Variants in TENM4 observed in about 807,000 individuals in gnomAD.
TENM4 encodes the protein teneurin transmembrane protein 4, also known as teneurin-4.
TENM4 carries 82 observed loss-of-function variants against 243.3 expected under a neutral mutation model. The observed-to-expected ratio is 0.34, with a 90% CI of 0.28 to 0.40. The LOEUF is 0.40. Ranked by LOEUF, TENM4 falls within the 10% of genes least tolerant of loss-of-function variation. The probability of loss-of-function intolerance (pLI) is 1.00; values close to 1 mark genes in which losing one functional copy is unlikely to be tolerated. For missense variants in TENM4, 3,138 were observed against 3,673.3 expected, an observed-to-expected ratio of 0.85 and a Z score of 3.77; for synonymous variants, 1,412 against 1,456.3, an observed-to-expected ratio of 0.97 and a Z score of 0.69.
intron 3 of TENM4, among the ~76,000 whole-genome samples, chr11:79,157,237 GCT>G (rs1195333469): frequency 6.6e-6 from 1 of 152,146 alleles, no homozygotes; most frequent in East Asian, 1.9e-4. Context: ...CATAACTGAG[GCT>G]CTCTCTGAGC....
intron 6 of TENM4, among the ~76,000 whole-genome samples, chr11:79,054,511 T>C (rs1651327193): frequency 6.6e-6 from 1 of 152,026 alleles, no homozygotes; most frequent in African/African-American, 2.4e-5. Context: ...TCTTTTTTTT[T>C]TTTTTGAGAC....
At position 79,268,976 on chromosome 11, in the gene TENM4, A is replaced by C. The variant is rs537682598; in HGVS notation, c.-265+28512T>G. 9.2e-5 allele frequency among the ~76,000 whole-genome samples: 14 copies of C among 152,356 alleles called. 1 individual carries two copies. In the East Asian group the frequency reaches 2.7e-3, roughly 29 times the overall value. On this transcript the variant is annotated intron_variant, in intron 2 of 33. Transcript: ENST00000278550. ...CAATGTCAAGGAATCAAAAACATAT[A>C]TTAGATAAGATGTCTTTAAATAGAA...
At chr11:79,143,166 C>T (rs1018872374) in intron 4 of TENM4, among the ~76,000 whole-genome samples, 2 of 152,204 alleles carry the variant, frequency 1.3e-5, no homozygotes, top group African/African-American at 4.8e-5. Context: ...CCCAGCGATC[C>T]CATTACTGGC....
At chr11:79,230,783 A>G (rs1433918419) in intron 2 of TENM4, among the ~76,000 whole-genome samples, 2 of 152,242 alleles carry the variant, frequency 1.3e-5, no homozygotes, top group Non-Finnish European at 2.9e-5. Flanking sequence ...CAGGGAGATG[A>G]GAGCTACCAG....
At chr11:79,258,290 G>A (rs1183773604) in intron 2 of TENM4, among the ~76,000 whole-genome samples, 1 of 152,140 alleles carries the variant, frequency 6.6e-6, no homozygotes. Context: ...CTAACCAAAG[G>A]TTTAAGTGAA....
chr11:78,701,954 G>A lies in TENM4; in HGVS notation c.4659C>T (p.Ala1553=), dbSNP rs200575170. The change falls in exon 28 of 34, where the codon GCC becomes GCT. Residue 1553 remains alanine (A), a synonymous_variant. Coordinates refer to ENST00000278550, the MANE Select transcript of TENM4 (RefSeq NM_001098816.3). ...AVCADGELYV[A]DLGNIRIRFI... Reference sequence around the variant, plus strand: ...ACCGAATTCGGATGTTCCCAAGGTCGGCCACGTAGAGCTCCCCATCAGCAC... The same window carrying A: ...ACCGAATTCGGATGTTCCCAAGGTCAGCCACGTAGAGCTCCCCATCAGCAC... The A allele has an allele frequency of 2.4e-4, 393 of 1,613,980 alleles. 1 individual carries two copies. In the African/African-American group the frequency reaches 3.5e-3, roughly 15 times the overall value.
rs867519365 is a variant in TENM4, at chr11:78,661,487, G to A, written c.7513C>T (p.His2505Tyr). The stretch of plus-strand genomic sequence containing the variant: ...CACTCCTGCGTTTTCATCTGTGTGT[G>A]GATGAGCTCGTAGGAGGGTTCCATG... ...DAMEPSYELI[H>Y]TQMKTQEWDN... Residue 2505 changes from histidine (H) to tyrosine (Y), a missense_variant, in exon 33 of 34, where the codon CAC becomes TAC. By Grantham distance (83) the His-to-Tyr change is moderately conservative. This residue lies in a region of TENM4 where 2,467 missense variants were observed against 3,059.1 expected (regional missense o/e 0.81). Coordinates refer to ENST00000278550, the MANE Select transcript of TENM4 (RefSeq NM_001098816.3). 2 of 1,611,146 alleles carry A rather than the reference G, an allele frequency of 1.2e-6. No individual in the cohort carries two copies. The highest frequency in any genetic ancestry group is 1.6e-4 in the Middle Eastern group (1 of 6,062).
At chr11:78,777,875 T>A (rs17137142) in intron 17 of TENM4, among the ~76,000 whole-genome samples, 12,963 of 152,258 alleles carry the variant, frequency 0.085, 1,881 homozygotes, top group African/African-American at 0.3. Flanking sequence ...ATTCTGAGAC[T>A]TGTTCTTAGA....
chr11:78,677,587 T>A (rs1167381482), intron 29 of TENM4, among the ~76,000 whole-genome samples: 2 of 151,968 alleles, frequency 1.3e-5, no homozygotes, highest in Non-Finnish European at 2.9e-5. Context: ...TGATACACTC[T>A]AAGGTAACAA....
chr11:79,164,957 A>ATGTGTGTGTG (rs369197845), intron 3 of TENM4, among the ~76,000 whole-genome samples: 2 of 139,862 alleles, frequency 1.4e-5, no homozygotes, highest in Admixed American at 7.3e-5. Flanking sequence ...CTATATATAT[A>ATGTGTGTGTG]TGTGTGTGTG....
At chr11:79,195,214 T>A (rs1017697853) in intron 3 of TENM4, among the ~76,000 whole-genome samples, 13 of 152,004 alleles carry the variant, frequency 8.6e-5, no homozygotes, top group African/African-American at 3.1e-4. Flanking sequence ...GCTGCAGGAG[T>A]GGGGCTTTCA....
At chr11:79,192,356 C>A (rs7928144) in intron 3 of TENM4, among the ~76,000 whole-genome samples, 3 of 152,100 alleles carry the variant, frequency 2.0e-5, no homozygotes, top group African/African-American at 7.2e-5. Context: ...ATTGAGAAAT[C>A]GGATGGTTGC....
intron 6 of TENM4, among the ~76,000 whole-genome samples, chr11:79,003,413 G>C (rs1013076814): frequency 2.0e-4 from 31 of 152,052 alleles, no homozygotes; most frequent in African/African-American, 7.2e-4. Flanking sequence ...GAAGGGGAAG[G>C]TCTCCTACAA....
intron 1 of TENM4, among the ~76,000 whole-genome samples, chr11:79,436,557 T>C (rs1017202768): frequency 1.3e-5 from 2 of 152,222 alleles, no homozygotes; most frequent in African/African-American, 4.8e-5. Context: ...TCAGATTCTA[T>C]TGGAAGAGAG....
chr11:79,140,840 C>T (rs1243703511), intron 4 of TENM4, among the ~76,000 whole-genome samples: 1 of 152,082 alleles, frequency 6.6e-6, no homozygotes, highest in Non-Finnish European at 1.5e-5. Context: ...AGTGGCGTTT[C>T]TGCTGCTCTG....
chr11:78,889,395 G>A (rs1157749222), intron 9 of TENM4, among the ~76,000 whole-genome samples: 1 of 152,192 alleles, frequency 6.6e-6, no homozygotes, highest in Non-Finnish European at 1.5e-5. Flanking sequence ...AGTCCCAACA[G>A]GAGAGGCTAC....
intron 30 of TENM4, 139 bp downstream of exon 30, chr11:78,676,013 C>A (rs1858458890): frequency 2.4e-6 from 2 of 843,598 alleles, no homozygotes; most frequent in African/African-American, 1.7e-5. Context: ...TCTCTGATCA[C>A]ACATGGTTCC....
At chr11:79,107,745 G>A (rs915379405) in intron 4 of TENM4, among the ~76,000 whole-genome samples, 5 of 152,138 alleles carry the variant, frequency 3.3e-5, no homozygotes, top group African/African-American at 4.8e-5. Context: ...GATGCCACAC[G>A]CATTTATGGG....
chr11:79,137,264 A>T (rs1326870407), intron 4 of TENM4, among the ~76,000 whole-genome samples: 1 of 152,176 alleles, frequency 6.6e-6, no homozygotes, highest in African/African-American at 2.4e-5. Context: ...GAAGGGAGTT[A>T]CAGTGTTGGC....
Sources: allele counts gnomAD v4.1 joint callset (sites outside exome capture counted in the v4.1 genomes callset), GRCh38; gene constraint gnomAD v4.1.1; regional missense constraint gnomAD v4.1.1; transcripts MANE v1.5; gene names NCBI Gene and HGNC (gene_info 2026-07-23, HGNC 2026-07-21).